Variants in FNDC3A observed in about 807,000 individuals in gnomAD.
FNDC3A encodes fibronectin type-III domain-containing protein 3A.
Under a neutral mutation model 148.9 loss-of-function variants are expected in FNDC3A, and 32 were observed. The ratio of observed to expected loss-of-function variants is 0.21; its 90% CI spans 0.16 to 0.29. The LOEUF (loss-of-function observed/expected upper bound fraction) is 0.29, where lower values mean the gene tolerates loss of function less well. Ranked by LOEUF, FNDC3A falls within the 10% of genes least tolerant of loss-of-function variation. The pLI is 1.00. For synonymous variants in FNDC3A, 472 were observed against 473.6 expected (o/e 1.00, Z 0.04); for missense variants, 1,191 against 1,452.8 (o/e 0.82, Z 2.93).
intron 8 of FNDC3A, among the ~76,000 whole-genome samples, chr13:49,156,633 T>C (rs1593674935): frequency 2.0e-5 from 3 of 151,802 alleles, no homozygotes; most frequent in Admixed American, 6.6e-5. Flanking sequence ...CTTTACATTT[T>C]GGCATGATTT....
chr13:49,059,990 T>A (rs1876548515), intron 2 of FNDC3A, among the ~76,000 whole-genome samples: 1 of 152,152 alleles, frequency 6.6e-6, no homozygotes, highest in African/African-American at 2.4e-5. Context: ...AGGATAGATA[T>A]AATTAAAAAA....
chr13:49,084,193 G>A (rs1328858577), intron 3 of FNDC3A, among the ~76,000 whole-genome samples: 1 of 152,092 alleles, frequency 6.6e-6, no homozygotes, highest in East Asian at 1.9e-4. Context: ...CTTTATTTTG[G>A]TACAAAAACC....
intron 1 of FNDC3A, among the ~76,000 whole-genome samples, chr13:48,978,329 A>G (rs1951639282): frequency 1.3e-5 from 2 of 152,186 alleles, no homozygotes. Flanking sequence ...TGCATGATTC[A>G]TATTCTCATT....
In FNDC3A at chr13:49,135,129, A is replaced by G. The variant is rs537933934; in HGVS notation, c.491-1203A>G. On this transcript the variant is annotated intron_variant, in intron 5 of 25. Coordinates refer to ENST00000492622, the MANE Select transcript of FNDC3A (RefSeq NM_001079673.2). ...CTCACCCTCCCAAAGTGCTGGGATT[A>G]CAGGCGTGAGCCACTGCGCCCAGCC... 3.0e-3 allele frequency among the ~76,000 whole-genome samples: 453 copies of G among 152,164 alleles called. 4 individuals carry two copies. Among genetic ancestry groups the G allele is most frequent in the African/African-American group, 0.01 (426 of 41,526 alleles).
intron 2 of FNDC3A, among the ~76,000 whole-genome samples, chr13:49,038,866 A>AT (rs1874704578): frequency 6.6e-6 from 1 of 152,018 alleles, no homozygotes; most frequent in Admixed American, 6.6e-5. Flanking sequence ...TTTTTCTTTA[A>AT]TTTTTTTCTG....
intron 3 of FNDC3A, among the ~76,000 whole-genome samples, chr13:49,103,633 C>G (rs142717117): frequency 4.6e-4 from 70 of 152,240 alleles, no homozygotes; most frequent in African/African-American, 1.6e-3. Context: ...CCTAGTGCTG[C>G]TAAGGCAATA....
At chr13:49,108,941 T>G (rs750365196) in intron 3 of FNDC3A, among the ~76,000 whole-genome samples, 2 of 152,232 alleles carry the variant, frequency 1.3e-5, no homozygotes, top group African/African-American at 2.4e-5. Context: ...TTGAGACCTA[T>G]TTCTCTAGGT....
In FNDC3A at chr13:49,007,133, A is replaced by T. The variant is rs1378730898; in HGVS notation, c.99+844A>T. 2.4e-4 allele frequency among the ~76,000 whole-genome samples: 36 copies of T among 152,110 alleles called. 1 individual carries two copies. Among genetic ancestry groups the T allele is most frequent in the Admixed American group, 2.4e-3 (36 of 15,256 alleles). On this transcript the variant is annotated intron_variant, in intron 2 of 25. Coordinates refer to ENST00000492622, the MANE Select transcript of FNDC3A (RefSeq NM_001079673.2). ...CACAAAGCTTGTGCTCCTAACTGTT[A>T]CTCATACTGCCTCCTTGGAAAACTT...
intron 8 of FNDC3A, among the ~76,000 whole-genome samples, chr13:49,160,554 C>A (rs554127724): frequency 8.6e-5 from 13 of 152,012 alleles, no homozygotes; most frequent in East Asian, 3.9e-4. Context: ...TTTTGTTGAT[C>A]TTTTCAGAAA....
chr13:49,015,521 G>C (rs184053417), intron 2 of FNDC3A, among the ~76,000 whole-genome samples: 1 of 152,132 alleles, frequency 6.6e-6, no homozygotes, highest in African/African-American at 2.4e-5. Flanking sequence ...GGGTTTTCTC[G>C]ATATACAATC....
chr13:49,181,944 A>C (rs547452545), intron 14 of FNDC3A, among the ~76,000 whole-genome samples: 5 of 152,254 alleles, frequency 3.3e-5, no homozygotes, highest in Non-Finnish European at 5.9e-5. Context: ...CAGTGAAAAA[A>C]TTTAAATGAT....
intron 3 of FNDC3A, among the ~76,000 whole-genome samples, chr13:49,090,507 C>T (rs1313691764): frequency 6.6e-6 from 1 of 152,200 alleles, no homozygotes; most frequent in Non-Finnish European, 1.5e-5. Flanking sequence ...TGTGCTTTGA[C>T]CTCTGACTGC....
intron 1 of FNDC3A, among the ~76,000 whole-genome samples, chr13:48,985,065 G>A (rs1227779785): frequency 1.3e-5 from 2 of 152,132 alleles, no homozygotes; most frequent in Non-Finnish European, 2.9e-5. Flanking sequence ...GAGTAGAGAA[G>A]GCCTTTTAAG....
At position 49,134,379 on chromosome 13, in the gene FNDC3A, C is replaced by T. The variant is rs182766133; in HGVS notation, c.491-1953C>T. ...CATGTTCTCACATATAATAGTACTTCGTTCCTTTTTATGGCTGCAATAATA... is the reference window on the plus strand; with the variant it reads ...CATGTTCTCACATATAATAGTACTTTGTTCCTTTTTATGGCTGCAATAATA... On this transcript the variant is annotated intron_variant, in intron 5 of 25. Transcript: ENST00000492622. Among the ~76,000 whole-genome samples the T allele has an allele frequency of 1.3e-3, 197 of 152,010 alleles. 2 individuals carry two copies. The highest frequency in any genetic ancestry group is 4.3e-3 in the African/African-American group (178 of 41,458).
chr13:49,167,193 G>T (rs762855099), intron 8 of FNDC3A, 51 bp from the exon 9 acceptor site: 1 of 1,169,296 alleles, frequency 8.6e-7, no homozygotes, highest in East Asian at 2.4e-5. Context: ...ATGTACATTG[G>T]TTGAAAATGC....
At chr13:49,005,664 T>C (rs1022362429) in intron 1 of FNDC3A, among the ~76,000 whole-genome samples, 4 of 151,926 alleles carry the variant, frequency 2.6e-5, no homozygotes, top group African/African-American at 9.7e-5. Flanking sequence ...GAGGAATCAG[T>C]GAAAAATCAT....
chr13:49,182,267 G>C (rs538699371), intron 14 of FNDC3A, among the ~76,000 whole-genome samples: 1 of 152,166 alleles, frequency 6.6e-6, no homozygotes, highest in East Asian at 1.9e-4. Context: ...AGGATTACAG[G>C]CATGAGCCAC....
intron 1 of FNDC3A, among the ~76,000 whole-genome samples, chr13:48,979,204 TA>T (rs1360754246): frequency 6.6e-6 from 1 of 152,160 alleles, no homozygotes; most frequent in Non-Finnish European, 1.5e-5. Context: ...GATGCAATGT[TA>T]TTAAAGTGGG....
intron 4 of FNDC3A, among the ~76,000 whole-genome samples, chr13:49,116,027 A>C (rs1240856151): frequency 6.6e-6 from 1 of 152,142 alleles, no homozygotes; most frequent in Non-Finnish European, 1.5e-5. Flanking sequence ...TCAGTTCATG[A>C]TTTATTGAGT....
Sources: gnomAD v4.1 joint callset for allele counts (sites outside exome capture counted in the v4.1 genomes callset) on GRCh38, gnomAD v4.1.1 for gene constraint, MANE v1.5 for transcripts, NCBI Gene and HGNC (gene_info 2026-07-23, HGNC 2026-07-21) for gene names.